HIRA: variants seen among roughly 807,000 people sequenced by gnomAD.
HIRA encodes the protein protein HIRA.
HIRA carries 13 observed loss-of-function variants against 126.6 expected under a neutral mutation model. The observed-to-expected ratio is 0.10, with a 90% confidence interval of 0.07 to 0.16. The LOEUF is 0.16. Among genes scored for constraint, HIRA ranks in the 10% least tolerant of loss-of-function variants. The probability of loss-of-function intolerance (pLI) is 1.00; values close to 1 mark genes in which losing one functional copy is unlikely to be tolerated. For synonymous variants in HIRA, 511 were observed against 520.0 expected (o/e 0.98, Z 0.24); for missense variants, 834 against 1,314.4 (o/e 0.63, Z 5.65).
chr22:19,353,594 C>T (rs990809390), intron 22 of HIRA, 75 bp from the exon 23 acceptor site: 1 of 1,444,306 alleles, frequency 6.9e-7, no homozygotes, highest in South Asian at 1.4e-5. Flanking sequence ...CCGTGTGCAA[C>T]AGGCAAGGAG....
At chr22:19,416,684 C>A (rs989401982) in intron 1 of HIRA, among the ~76,000 whole-genome samples, 7 of 151,998 alleles carry the variant, frequency 4.6e-5, no homozygotes, top group Admixed American at 4.6e-4. Flanking sequence ...AAGGCACAGA[C>A]AATAAAAGAA....
At chr22:19,412,237 A>G (rs891144170) in intron 1 of HIRA, among the ~76,000 whole-genome samples, 3 of 152,156 alleles carry the variant, frequency 2.0e-5, no homozygotes, top group Non-Finnish European at 4.4e-5. Flanking sequence ...AGCTGGCCAC[A>G]TGTAGAGCAT....
intron 24 of HIRA, among the ~76,000 whole-genome samples, chr22:19,343,509 G>A (rs928859649): frequency 2.6e-5 from 4 of 152,174 alleles, no homozygotes; most frequent in Middle Eastern, 3.2e-3. Context: ...GTTGAAGTAA[G>A]TCGAGATTAC....
chr22:19,369,017 C>T (rs1386193193), intron 15 of HIRA, among the ~76,000 whole-genome samples: 1 of 152,160 alleles, frequency 6.6e-6, no homozygotes, highest in African/African-American at 2.4e-5. Context: ...GTTACAATAT[C>T]CCTGGGAGCA....
chr22:19,350,167 A>C (rs1262081578), intron 24 of HIRA, among the ~76,000 whole-genome samples: 2 of 149,910 alleles, frequency 1.3e-5, no homozygotes, highest in Non-Finnish European at 3.0e-5. Flanking sequence ...GGCATCCATC[A>C]CCACTCAAGA....
intron 18 of HIRA, 131 bp from the exon 19 acceptor site, chr22:19,357,182 G>A: frequency 9.4e-7 from 1 of 1,060,502 alleles, no homozygotes; most frequent in African/African-American, 1.6e-5. Context: ...CAGCCAGAAG[G>A]GAAGGTGGAT....
At position 19,392,232 on chromosome 22, in the gene HIRA, A is replaced by G; in HGVS notation, c.823-18T>C. 1 of 1,492,138 alleles carries G rather than the reference A, an allele frequency of 6.7e-7. No individual in the cohort carries two copies. The allele number at this position is 1,492,138 out of a possible 1,614,324, so 92.4% of individuals were successfully genotyped here. A position where few individuals can be genotyped will look rare whatever the true frequency, so the allele number is the denominator to read the frequency against. On this transcript the variant is annotated intron_variant, in intron 8 of 24. Transcript: ENST00000263208. ...TTGAATTTCTAAAGCCAAATAACAG[A>G]TGTTAAAAATAATTAATCAAGCATC...
At chr22:19,395,014 C>T (rs1265363693) in intron 7 of HIRA, among the ~76,000 whole-genome samples, 1 of 152,198 alleles carries the variant, frequency 6.6e-6, no homozygotes, top group African/African-American at 2.4e-5. Flanking sequence ...AGCCTGTTGC[C>T]TCACCCAAAG....
At chr22:19,344,829 A>G (rs1298205317) in intron 24 of HIRA, among the ~76,000 whole-genome samples, 4 of 152,218 alleles carry the variant, frequency 2.6e-5, no homozygotes, top group Non-Finnish European at 5.9e-5. Flanking sequence ...GGTTTAACAT[A>G]TGAAAACCAA....
chr22:19,360,706 C>A (rs889842635), intron 17 of HIRA, among the ~76,000 whole-genome samples: 1 of 152,306 alleles, frequency 6.6e-6, no homozygotes, highest in South Asian at 2.1e-4. Context: ...GGCCAAGTGA[C>A]CAGGAGGGCT....
chr22:19,335,691 C>CT (rs782164161), intron 24 of HIRA, among the ~76,000 whole-genome samples: 1 of 66,480 alleles, frequency 1.5e-5, no homozygotes. Context: ...TATTGAATAG[C>CT]CCCCCCTATT....
intron 24 of HIRA, among the ~76,000 whole-genome samples, chr22:19,332,377 G>A (rs1280928016): frequency 1.3e-5 from 2 of 152,142 alleles, no homozygotes; most frequent in African/African-American, 4.8e-5. Context: ...GCTGCTGTTG[G>A]CGACCAAGTT....
intron 24 of HIRA, among the ~76,000 whole-genome samples, chr22:19,345,817 C>T (rs782031574): frequency 6.6e-5 from 10 of 152,140 alleles, no homozygotes; most frequent in Non-Finnish European, 1.2e-4. Flanking sequence ...AGCCCAGGAA[C>T]CTGAAAGGTG....
chr22:19,349,054 G>A (rs1175520280), intron 24 of HIRA, among the ~76,000 whole-genome samples: 1 of 151,746 alleles, frequency 6.6e-6, no homozygotes, highest in African/African-American at 2.4e-5. Flanking sequence ...AAAAGGCTGG[G>A]ATTATAGGCA....
At chr22:19,430,611 T>C (rs1462204377) in intron 1 of HIRA, among the ~76,000 whole-genome samples, 1 of 145,734 alleles carries the variant, frequency 6.9e-6, no homozygotes, top group East Asian at 2.0e-4. Flanking sequence ...TTGATTTCTG[T>C]GCTACAGTGC....
At chr22:19,372,517 T>C (rs563474168) in intron 15 of HIRA, among the ~76,000 whole-genome samples, 1 of 152,258 alleles carries the variant, frequency 6.6e-6, no homozygotes, top group Non-Finnish European at 1.5e-5. Context: ...TTTTCTCCCA[T>C]TCTGTAGGTT....
intron 5 of HIRA, among the ~76,000 whole-genome samples, chr22:19,401,427 G>A (rs2146235601): frequency 6.6e-6 from 1 of 152,074 alleles, no homozygotes; most frequent in East Asian, 1.9e-4. Context: ...TTCTTTTTCT[G>A]GTTTCAGCTC....
intron 13 of HIRA, among the ~76,000 whole-genome samples, chr22:19,382,810 GGAA>G (rs1334160453): frequency 2.7e-5 from 4 of 149,648 alleles, no homozygotes; most frequent in South Asian, 2.1e-4. Flanking sequence ...CATCATTTTG[GGAA>G]GAATAACCAA....
chr22:19,420,813 CA>C (rs754663438), intron 1 of HIRA, among the ~76,000 whole-genome samples: 12 of 152,144 alleles, frequency 7.9e-5, no homozygotes, highest in Non-Finnish European at 1.5e-4. Context: ...ATCCATGTAA[CA>C]AAACTGCACT....
Sources: allele counts gnomAD v4.1 joint callset (sites outside exome capture counted in the v4.1 genomes callset), GRCh38; gene constraint gnomAD v4.1.1; transcripts MANE v1.5; gene names NCBI Gene and HGNC (gene_info 2026-07-23, HGNC 2026-07-21).